The following PSMB1 variants were observed in gnomAD, a reference collection of about 807,000 sequenced individuals.
The protein encoded by PSMB1 is proteasome subunit beta type-1.
A neutral mutation model predicts 25.4 loss-of-function variants in PSMB1; 7 were observed. The ratio of observed to expected loss-of-function variants is 0.28; its 90% confidence interval spans 0.16 to 0.52. The LOEUF (loss-of-function observed/expected upper bound fraction) is 0.52. Ranked by LOEUF, PSMB1 falls within the 20% of genes least tolerant of loss-of-function variation. The probability of loss-of-function intolerance (pLI) is 0.97; values close to 1 mark genes in which losing one functional copy is unlikely to be tolerated. For missense variants in PSMB1, 284 were observed against 302.2 expected, an observed-to-expected ratio of 0.94 and a Z score of 0.45; for synonymous variants, 119 against 115.0, an observed-to-expected ratio of 1.03 and a Z score of -0.22.
rs2114974537 is a variant in PSMB1 at position 170,537,449 on chromosome 6, T to C, written c.434-109A>G. 1.1e-5 allele frequency: 9 copies of C among 816,330 alleles called. No individual in the cohort carries two copies. In the South Asian group the frequency reaches 1.4e-4, roughly 13 times the overall value. 50.6% of individuals were successfully genotyped at this position (816,330 alleles called of 1,614,324 possible). On this transcript the variant is annotated intron_variant, in intron 4 of 5. Coordinates refer to ENST00000262193, the MANE Select transcript of PSMB1 (RefSeq NM_002793.4). ...ACACAAAACGGACTATCACCTTGGC[T>C]AAAACTTCAGGGAACAGTTGGAACA... is the stretch of plus-strand genomic sequence containing the variant.
At position 170,535,339 on chromosome 6, in the gene PSMB1, C is replaced by G; in HGVS notation, c.607G>C (p.Val203Leu). Reference sequence around the variant, plus strand: ...GCCGCAGAAATGAAGACATCTTTCACCAGCCGCATGGCTCTGTCCAAGGAC... The same window carrying G: ...GCCGCAGAAATGAAGACATCTTTCAGCAGCCGCATGGCTCTGTCCAAGGAC... ...PLSLDRAMRL[V>L]KDVFISAAER... The change falls in exon 6 of 6, where the codon GTG becomes CTG. Residue 203 changes from valine (V) to leucine (L), a missense_variant. Val to Leu is a conservative substitution (Grantham distance 32). Transcript: ENST00000262193. 1 of 1,614,176 alleles carries G rather than the reference C, an allele frequency of 6.2e-7. No individual in the cohort carries two copies. Among genetic ancestry groups the G allele is most frequent in the Non-Finnish European group, 8.5e-7 (1 of 1,180,024 alleles).
chr6:170,545,644 C>G (rs1488079066), intron 3 of PSMB1, among the ~76,000 whole-genome samples: 1 of 152,204 alleles, frequency 6.6e-6, no homozygotes, highest in African/African-American at 2.4e-5. Flanking sequence ...CCCATCCAAG[C>G]TCCCAGCTTA....
intron 3 of PSMB1, among the ~76,000 whole-genome samples, chr6:170,544,609 G>A (rs1379094833): frequency 1.3e-5 from 2 of 152,054 alleles, no homozygotes; most frequent in Admixed American, 6.5e-5. Flanking sequence ...CAACTGAGGC[G>A]GGAGAATGTT....
chr6:170,552,848 G>A (rs967667700), intron 1 of PSMB1, among the ~76,000 whole-genome samples: 1 of 152,240 alleles, frequency 6.6e-6, no homozygotes, highest in African/African-American at 2.4e-5. Context: ...GCACGGAGTG[G>A]CGGTCCACAT....
chr6:170,551,188 C>G (rs1481135561), intron 1 of PSMB1, among the ~76,000 whole-genome samples: 1 of 152,110 alleles, frequency 6.6e-6, no homozygotes, highest in Non-Finnish European at 1.5e-5. Flanking sequence ...GAATAATTAG[C>G]TTGCTTTTTG....
chr6:170,544,911 G>A (rs1433159479), intron 3 of PSMB1, among the ~76,000 whole-genome samples: 2 of 152,108 alleles, frequency 1.3e-5, no homozygotes, highest in East Asian at 1.9e-4. Flanking sequence ...TTGGGAGGCC[G>A]AGATGGGTGG....
intron 5 of PSMB1, 139 bp downstream of exon 5, chr6:170,537,095 C>T: frequency 4.5e-6 from 3 of 668,862 alleles, no homozygotes; most frequent in East Asian, 2.8e-5. Context: ...GTCTGCCAAA[C>T]TCAAACAGTA....
chr6:170,549,487 T>A (rs931951429), intron 1 of PSMB1: 1 of 167,042 alleles, frequency 6.0e-6, no homozygotes, highest in Non-Finnish European at 1.3e-5. Context: ...GCAAGCTCTA[T>A]GAGTTTAGAG....
At chr6:170,537,476 A>G in intron 4 of PSMB1, 136 bp from the exon 5 acceptor site, 1 of 659,286 alleles carries the variant, frequency 1.5e-6, no homozygotes, top group Non-Finnish European at 2.7e-6. Flanking sequence ...GTTGGAACAC[A>G]GCCACTGTTG....
At chr6:170,543,550 G>A in intron 4 of PSMB1, 51 bp downstream of exon 4, 1 of 1,508,060 alleles carries the variant, frequency 6.6e-7, no homozygotes, top group Non-Finnish European at 9.1e-7. Flanking sequence ...CACACATCTA[G>A]GGAATAATAA....
Sources: gnomAD v4.1 joint callset for allele counts (sites outside exome capture counted in the v4.1 genomes callset) on GRCh38, gnomAD v4.1.1 for gene constraint, MANE v1.5 for transcripts, NCBI Gene and HGNC (gene_info 2026-07-23, HGNC 2026-07-21) for gene names.